The following JPH1 variants were observed in gnomAD, a reference collection of about 807,000 sequenced individuals.
JPH1 encodes the protein junctophilin-1.
Under a neutral mutation model 53.6 loss-of-function variants are expected in JPH1, and 12 were observed. The ratio of observed to expected loss-of-function variants is 0.22; its 90% CI spans 0.14 to 0.36. The LOEUF is 0.36. Ranked by LOEUF, JPH1 falls within the 10% of genes least tolerant of loss-of-function variation. The pLI is 1.00. For missense variants in JPH1, 808 were observed against 905.5 expected (o/e 0.89, Z 1.38); for synonymous variants, 375 against 363.8 (o/e 1.03, Z -0.35).
At chr8:74,282,069 T>G (rs1807030379) in intron 2 of JPH1, among the ~76,000 whole-genome samples, 1 of 152,218 alleles carries the variant, frequency 6.6e-6, no homozygotes, top group African/African-American at 2.4e-5. Context: ...AGCTCATACA[T>G]GAACCTACCT....
intron 2 of JPH1, among the ~76,000 whole-genome samples, chr8:74,284,020 T>A (rs1173488157): frequency 1.3e-5 from 2 of 152,142 alleles, no homozygotes; most frequent in African/African-American, 4.8e-5. Flanking sequence ...TGGCAGTGAT[T>A]GCAAATTTCC....
At chr8:74,275,068 C>T (rs1806808707) in intron 2 of JPH1, among the ~76,000 whole-genome samples, 1 of 152,146 alleles carries the variant, frequency 6.6e-6, no homozygotes, top group South Asian at 2.1e-4. Context: ...CATTACTACC[C>T]AAGCAAGTAG....
intron 2 of JPH1, among the ~76,000 whole-genome samples, chr8:74,287,872 T>C (rs1807213888): frequency 6.6e-6 from 1 of 152,194 alleles, no homozygotes; most frequent in African/African-American, 2.4e-5. Context: ...GAAATTCACT[T>C]TCAAACTATG....
chr8:74,288,270 C>T (rs533114072), intron 2 of JPH1, among the ~76,000 whole-genome samples: 56 of 152,358 alleles, frequency 3.7e-4, no homozygotes, highest in African/African-American at 1.3e-3. Context: ...TAAGCCTCTG[C>T]CACCCTCTGC....
chr8:74,272,057 C>T (rs749865308), intron 2 of JPH1, among the ~76,000 whole-genome samples: 1 of 152,244 alleles, frequency 6.6e-6, no homozygotes, highest in South Asian at 2.1e-4. Flanking sequence ...CTTTTACTAA[C>T]GTTACGCATG....
At chr8:74,271,002 G>C (rs1262898536) in intron 2 of JPH1, among the ~76,000 whole-genome samples, 1 of 152,142 alleles carries the variant, frequency 6.6e-6, no homozygotes, top group African/African-American at 2.4e-5. Flanking sequence ...CTTAGTGACA[G>C]ATGCAATAAC....
At chr8:74,241,729 G>A (rs1010390472) in intron 4 of JPH1, among the ~76,000 whole-genome samples, 5 of 152,150 alleles carry the variant, frequency 3.3e-5, no homozygotes, top group East Asian at 1.9e-4. Flanking sequence ...TACCTCTTTC[G>A]GGGGTGAGGT....
chr8:74,275,026 C>T (rs1806807786), intron 2 of JPH1, among the ~76,000 whole-genome samples: 1 of 152,068 alleles, frequency 6.6e-6, no homozygotes, highest in Non-Finnish European at 1.5e-5. Context: ...CTACTGTCAG[C>T]CAAATTTTTA....
At chr8:74,283,936 T>C (rs565348633) in intron 2 of JPH1, among the ~76,000 whole-genome samples, 26 of 152,224 alleles carry the variant, frequency 1.7e-4, no homozygotes, top group South Asian at 6.2e-4. Context: ...CAAGTAGCGC[T>C]TGGATGGGAT....
chr8:74,303,023 C>T (rs1807729423), intron 2 of JPH1, among the ~76,000 whole-genome samples: 1 of 150,558 alleles, frequency 6.6e-6, no homozygotes. Context: ...GAGCACAAAC[C>T]TTAGAAAGCA....
chr8:74,321,499 CTCCT>C lies in JPH1; in HGVS notation c.-216_-213del. On this transcript the variant is annotated 5_prime_UTR_variant, in exon 1 of 6. Transcript: ENST00000342232. This position sits in a 1 kb window ranked among gnomAD's most constrained non-coding sequence, Gnocchi z 4.3. ...CGCCGCCTTCCTCCTCCTCCTCCTCCTCCTTCGCCGCCGCCGCCTGGGCCAGCGC... is the reference window on the plus strand; with the variant it reads ...CGCCGCCTTCCTCCTCCTCCTCCTCCTCGCCGCCGCCGCCTGGGCCAGCGC... The C allele has an allele frequency of 2.1e-6, 1 of 483,246 alleles. No individual in the cohort carries two copies. Among genetic ancestry groups the C allele is most frequent in the Non-Finnish European group, 3.5e-6 (1 of 287,532 alleles). The allele number at this position is 483,246 out of a possible 1,614,324, so 29.9% of individuals were successfully genotyped here.
At chr8:74,317,285 A>G (rs1166298973) in intron 1 of JPH1, among the ~76,000 whole-genome samples, 4 of 152,254 alleles carry the variant, frequency 2.6e-5, no homozygotes, top group African/African-American at 9.6e-5. Context: ...TAGATATACA[A>G]TGAAATACTA....
intron 4 of JPH1, among the ~76,000 whole-genome samples, chr8:74,242,505 T>C (rs936070936): frequency 5.3e-5 from 8 of 152,222 alleles, no homozygotes; most frequent in Non-Finnish European, 8.8e-5. Flanking sequence ...CTGTGAATTT[T>C]AAAATTATTC....
intron 2 of JPH1, among the ~76,000 whole-genome samples, chr8:74,290,782 G>C (rs887794812): frequency 2.0e-5 from 3 of 152,078 alleles, no homozygotes; most frequent in African/African-American, 7.2e-5. Flanking sequence ...CCAAAACAGA[G>C]ATATAGACCA....
chr8:74,315,067 G>A lies in JPH1; in HGVS notation c.933C>T (p.Asn311=). 1 of 1,614,204 alleles carries A rather than the reference G, an allele frequency of 6.2e-7. No individual in the cohort carries two copies. Among genetic ancestry groups the A allele is most frequent in the Non-Finnish European group, 8.5e-7 (1 of 1,180,034 alleles). ...CGGTACAGCCATATCCATGCCTCTT[G>A]TTATTTGCCCACTCCCCTTCATACT... ...GMKYEGEWAN[N]KRHGYGCTVF... is the part of the protein sequence containing the mutation. The change falls in exon 2 of 6, where the codon AAC becomes AAT. Residue 311 remains asparagine (N), a synonymous_variant. Transcript: ENST00000342232. The surrounding 1 kb of genome is among the most constrained non-coding windows in gnomAD (Gnocchi z 6.3).
At chr8:74,292,107 T>A (rs565367022) in intron 2 of JPH1, among the ~76,000 whole-genome samples, 2 of 152,150 alleles carry the variant, frequency 1.3e-5, no homozygotes, top group Non-Finnish European at 2.9e-5. Flanking sequence ...CACACCAACA[T>A]GGCACATGTA....
chr8:74,293,509 T>TA (rs1160114604), intron 2 of JPH1, among the ~76,000 whole-genome samples: 1 of 152,204 alleles, frequency 6.6e-6, no homozygotes, highest in Admixed American at 6.5e-5. Context: ...CAAGGCCACT[T>TA]AAAGTGACAG....
At chr8:74,298,683 G>T (rs1222410273) in intron 2 of JPH1, among the ~76,000 whole-genome samples, 1 of 152,204 alleles carries the variant, frequency 6.6e-6, no homozygotes, top group Non-Finnish European at 1.5e-5. Flanking sequence ...CTTTTCAAAA[G>T]AGGATGAAGC....
At chr8:74,278,279 T>C (rs1048088646) in intron 2 of JPH1, among the ~76,000 whole-genome samples, 4 of 152,212 alleles carry the variant, frequency 2.6e-5, no homozygotes, top group Non-Finnish European at 5.9e-5. Flanking sequence ...ATGTAAGACA[T>C]GACTTGCTTT....
Sources: allele counts gnomAD v4.1 joint callset (sites outside exome capture counted in the v4.1 genomes callset), GRCh38; gene constraint gnomAD v4.1.1; non-coding constraint Gnocchi (gnomAD v3.1); transcripts MANE v1.5; gene names NCBI Gene and HGNC (gene_info 2026-07-23, HGNC 2026-07-21).